ITM2B: variants seen among roughly 807,000 people sequenced by gnomAD.
ITM2B encodes the protein integral membrane protein 2B.
ITM2B carries 11 observed loss-of-function variants against 27.8 expected under a neutral mutation model. The observed-to-expected ratio is 0.40, with a 90% CI of 0.25 to 0.66. The LOEUF (loss-of-function observed/expected upper bound fraction) is 0.66. Ranked by LOEUF, ITM2B falls within the 30% of genes least tolerant of loss-of-function variation. The pLI is 0.43. For missense variants in ITM2B, 296 were observed against 328.9 expected (o/e 0.90, Z 0.77); for synonymous variants, 114 against 114.3 (o/e 1.00, Z 0.02).
chr13:48,250,283 T>C (rs1394267536), intron 1 of ITM2B, among the ~76,000 whole-genome samples: 1 of 152,182 alleles, frequency 6.6e-6, no homozygotes, highest in Non-Finnish European at 1.5e-5. Flanking sequence ...GGTATAACTT[T>C]TATGAATCAT....
At chr13:48,251,623 A>G (rs1016023445) in intron 1 of ITM2B, among the ~76,000 whole-genome samples, 2 of 152,210 alleles carry the variant, frequency 1.3e-5, no homozygotes, top group African/African-American at 4.8e-5. Context: ...ATTCTTTTAC[A>G]GATGTCTGCC....
chr13:48,239,691 T>G (rs1951688751), intron 1 of ITM2B, among the ~76,000 whole-genome samples: 1 of 152,184 alleles, frequency 6.6e-6, no homozygotes, highest in Admixed American at 6.5e-5. Context: ...TGTTGCTGGA[T>G]CCTCCAATTT....
At chr13:48,260,422 ACT>A (rs1951815094) in intron 5 of ITM2B, among the ~76,000 whole-genome samples, 1 of 151,902 alleles carries the variant, frequency 6.6e-6, no homozygotes, top group Non-Finnish European at 1.5e-5. Context: ...GAATTGCCAC[ACT>A]CTCTTCCACA....
intron 1 of ITM2B, among the ~76,000 whole-genome samples, chr13:48,242,431 G>A (rs961284400): frequency 1.7e-4 from 25 of 147,616 alleles, no homozygotes; most frequent in African/African-American, 6.0e-4. Context: ...ATGATTTCTT[G>A]CCCATCATTC....
At position 48,258,816 on chromosome 13, in the gene ITM2B, A is replaced by T; in HGVS notation, c.584A>T (p.Gln195Leu). 1 of 1,613,860 alleles carries T rather than the reference A, an allele frequency of 6.2e-7. No homozygotes were observed. The highest frequency in any genetic ancestry group is 1.1e-5 in the South Asian group (1 of 91,078). ...INIKAGTYLPQSYLIHEHMVI... is the reference protein window; with the variant it reads ...INIKAGTYLPLSYLIHEHMVI... The stretch of plus-strand genomic sequence containing the variant: ...ATGTAGGCTGGAACCTATTTGCCTC[A>T]GTCCTATCTGATTCATGAGCACATG... Residue 195 changes from glutamine (Q) to leucine (L), a missense_variant, in exon 5 of 6, where the codon CAG (glutamine) becomes CTG (leucine). Coordinates refer to ENST00000647800, the MANE Select transcript of ITM2B (RefSeq NM_021999.5).
chr13:48,240,250 G>A (rs1951692180), intron 1 of ITM2B, among the ~76,000 whole-genome samples: 1 of 152,044 alleles, frequency 6.6e-6, no homozygotes, highest in South Asian at 2.1e-4. Context: ...CTGTCACCCA[G>A]GCAGGAATGC....
chr13:48,254,916 C>T (rs1235388966), intron 2 of ITM2B: 2 of 151,746 alleles, frequency 1.3e-5, no homozygotes, highest in Non-Finnish European at 2.9e-5. Flanking sequence ...TCTCTTGTTG[C>T]CCAGACTGGA....
rs1374134176 is a variant in ITM2B at position 48,262,374 on chromosome 13, TTA to T, written c.*1151_*1152del. Reference sequence around the variant, plus strand: ...TTCTGACTTTAGGAGGTCAGAGTTTTTAAAGCTTCCAACTCTTAAAGGATTTA... The same window carrying T: ...TTCTGACTTTAGGAGGTCAGAGTTTTAAGCTTCCAACTCTTAAAGGATTTA... On this transcript the variant is annotated 3_prime_UTR_variant, in exon 6 of 6. Transcript: ENST00000647800. The T allele has an allele frequency of 1.3e-5, 2 of 152,172 alleles. No individual in the cohort carries two copies. Among genetic ancestry groups the T allele is most frequent in the South Asian group, 2.1e-4 (1 of 4,836 alleles). The allele number at this position is 152,172 out of a possible 1,614,324, so 9.4% of individuals were successfully genotyped here.
Position 48,256,291 on chromosome 13 carries a change from A to G in ITM2B, c.361A>G (p.Ile121Val), listed in dbSNP as rs935508599. 3 of 1,613,950 alleles carry G rather than the reference A, an allele frequency of 1.9e-6. No homozygotes were observed. The highest frequency in any genetic ancestry group is 1.7e-6 in the Non-Finnish European group (2 of 1,179,842). ...LYQTIEENIK[I>V]FEEEEVEFIS... ...CCAGACAATTGAAGAAAATATTAAA[A>G]TCTTTGAAGAAGAAGAAGTTGAATT... is the stretch of plus-strand genomic sequence containing the variant. Residue 121 changes from isoleucine to valine, a missense_variant, in exon 3 of 6, where the codon ATC becomes GTC. Ile to Val is a conservative substitution (Grantham distance 29). Coordinates refer to ENST00000647800, the MANE Select transcript of ITM2B (RefSeq NM_021999.5).
intron 1 of ITM2B, among the ~76,000 whole-genome samples, chr13:48,252,724 T>C (rs762016026): frequency 2.4e-4 from 37 of 152,242 alleles, no homozygotes; most frequent in Non-Finnish European, 3.7e-4. Context: ...TGAAGTCTGC[T>C]TTCTGCCTTA....
intron 1 of ITM2B, among the ~76,000 whole-genome samples, chr13:48,235,031 C>T (rs879417011): frequency 3.5e-5 from 5 of 144,028 alleles, no homozygotes; most frequent in African/African-American, 1.2e-4. Flanking sequence ...TATATACACA[C>T]ATACATTTAA....
Position 48,258,557 on chromosome 13 carries a change from G to A in ITM2B, c.565-240G>A, listed in dbSNP as rs9332293. On this transcript the variant is annotated intron_variant, in intron 4 of 5. Coordinates refer to ENST00000647800, the MANE Select transcript of ITM2B (RefSeq NM_021999.5). Reference sequence around the variant, plus strand: ...AAAATTCTACTTATAAAAACAAGCCGGGGGCGGTGGCTCATGCCTGTAATC... The same window carrying A: ...AAAATTCTACTTATAAAAACAAGCCAGGGGCGGTGGCTCATGCCTGTAATC... Among the ~76,000 whole-genome samples, 369 of 152,198 alleles carry A rather than the reference G, an allele frequency of 2.4e-3. 1 individual carries two copies. The highest frequency in any genetic ancestry group is 0.016 in the Admixed American group (240 of 15,278).
At position 48,267,862 on chromosome 13, in the gene ITM2B, C is replaced by T. The variant is rs1249566276; in HGVS notation, c.*6638C>T. 6.6e-6 allele frequency: 1 copy of T among 152,158 alleles called. No individual in the cohort carries two copies. Among genetic ancestry groups the T allele is most frequent in the African/African-American group, 2.4e-5 (1 of 41,422 alleles). 9.4% of individuals were successfully genotyped at this position (152,158 alleles called of 1,614,324 possible). A position where few individuals can be genotyped will look rare whatever the true frequency, so the allele number is the denominator to read the frequency against. ...TAGGTTTTTCTGTATATCACCCTTT[C>T]GGTAGGGCTTGAAGTAACCCTTCAG... On this transcript the variant is annotated 3_prime_UTR_variant, in exon 6 of 6. Coordinates refer to ENST00000647800, the MANE Select transcript of ITM2B (RefSeq NM_021999.5).
intron 2 of ITM2B, among the ~76,000 whole-genome samples, chr13:48,254,541 A>G (rs991218731): frequency 1.3e-5 from 2 of 152,212 alleles, no homozygotes; most frequent in Non-Finnish European, 2.9e-5. Flanking sequence ...TTTACAATCT[A>G]TTTTGTAATA....
chr13:48,244,317 C>G (rs566756542), intron 1 of ITM2B, among the ~76,000 whole-genome samples: 2 of 152,324 alleles, frequency 1.3e-5, no homozygotes, highest in East Asian at 3.9e-4. Flanking sequence ...GAAAATCACA[C>G]CGCTGGATCC....
intron 1 of ITM2B, among the ~76,000 whole-genome samples, chr13:48,241,297 C>T (rs555199822): frequency 7.6e-4 from 116 of 152,260 alleles, no homozygotes; most frequent in African/African-American, 2.6e-3. Flanking sequence ...CTGCAACTTC[C>T]GCCTCCCAGG....
intron 5 of ITM2B, among the ~76,000 whole-genome samples, chr13:48,260,037 C>T (rs1018288724): frequency 6.6e-6 from 1 of 152,026 alleles, no homozygotes; most frequent in Non-Finnish European, 1.5e-5. Flanking sequence ...TGTGATGTTC[C>T]CCTCTCTGTG....
At chr13:48,243,962 T>A (rs1951712782) in intron 1 of ITM2B, among the ~76,000 whole-genome samples, 1 of 152,252 alleles carries the variant, frequency 6.6e-6, no homozygotes, top group Non-Finnish European at 1.5e-5. Flanking sequence ...CTAAGCTGTT[T>A]GAGTCAGTTT....
chr13:48,261,449 G>C lies in ITM2B; in HGVS notation c.*225G>C. On this transcript the variant is annotated 3_prime_UTR_variant, in exon 6 of 6. Transcript: ENST00000647800. ...GAATTAGTAACTGTATGAAGTCATA[G>C]ATAATAGTACATGTCACCTTAGGTA... 4 of 448,030 alleles carry C rather than the reference G, an allele frequency of 8.9e-6. No homozygotes were observed. Among genetic ancestry groups the C allele is most frequent in the Non-Finnish European group, 1.2e-5 (3 of 250,152 alleles). The allele number at this position is 448,030 out of a possible 1,614,324, so 27.8% of individuals were successfully genotyped here.
Sources: allele counts gnomAD v4.1 joint callset (sites outside exome capture counted in the v4.1 genomes callset), GRCh38; gene constraint gnomAD v4.1.1; transcripts MANE v1.5; gene names NCBI Gene and HGNC (gene_info 2026-07-23, HGNC 2026-07-21).